The following DHTKD1 variants were observed in gnomAD, a reference collection of about 807,000 sequenced individuals.
DHTKD1 encodes the protein dehydrogenase E1 and transketolase domain containing 1.
Under a neutral mutation model 101.8 loss-of-function variants are expected in DHTKD1, and 78 were observed. The ratio of observed to expected loss-of-function variants is 0.77; its 90% CI spans 0.64 to 0.93. The LOEUF (loss-of-function observed/expected upper bound fraction) is 0.93, where lower values mean the gene tolerates loss of function less well. Among genes scored for constraint, DHTKD1 ranks in the 40% least tolerant of loss-of-function variants. The pLI is 0.00. For missense variants in DHTKD1, 1,223 were observed against 1,161.7 expected, an observed-to-expected ratio of 1.05 and a Z score of -0.77; for synonymous variants, 462 against 450.3, an observed-to-expected ratio of 1.03 and a Z score of -0.33.
chr10:12,076,911 C>A (rs1335857682), intron 1 of DHTKD1, among the ~76,000 whole-genome samples: 5 of 143,560 alleles, frequency 3.5e-5, no homozygotes, highest in African/African-American at 1.3e-4. Context: ...CTGCCTCCGC[C>A]TCCCAAAGTG....
chr10:12,100,606 C>G (rs545670225), intron 9 of DHTKD1, among the ~76,000 whole-genome samples: 1 of 152,106 alleles, frequency 6.6e-6, no homozygotes, highest in Non-Finnish European at 1.5e-5. Flanking sequence ...TACTTTTAAT[C>G]ACGTTTGCTA....
At chr10:12,069,237 C>T in intron 1 of DHTKD1, 50 bp downstream of exon 1, 1 of 1,464,190 alleles carries the variant, frequency 6.8e-7, no homozygotes, top group Non-Finnish European at 9.0e-7. Context: ...ACGCAGAAGC[C>T]TCCCCTGGCC....
At chr10:12,120,454 C>G in intron 16 of DHTKD1, 187 bp downstream of exon 16, 1 of 548,044 alleles carries the variant, frequency 1.8e-6, no homozygotes, top group Middle Eastern at 5.2e-4. Context: ...CTGCCTCAGC[C>G]TCCCAAGTAG....
Position 12,101,167 on chromosome 10 carries a change from A to G in DHTKD1, c.1882A>G (p.Lys628Glu), listed in dbSNP as rs765656134. 4 of 1,613,456 alleles carry G rather than the reference A, an allele frequency of 2.5e-6. No individual in the cohort carries two copies. The East Asian group carries it at 8.9e-5, about 36-fold the overall frequency. The change falls in exon 10 of 17, where the codon AAG (lysine) becomes GAG (glutamate). Residue 628 changes from lysine to glutamate, a missense_variant. Physicochemically the swap from Lys to Glu is moderately conservative, Grantham distance 56 (BLOSUM62 1). Transcript: ENST00000263035. Reference protein sequence around the residue: ...IPLNHMDPNQKGFLEVSNSPL... With the variant: ...IPLNHMDPNQEGFLEVSNSPL... ...CCTGAACCATATGGACCCAAATCAG[A>G]AGGGGTTTCTAGAGGTGAGATGTTT...
Position 12,121,219 on chromosome 10 carries a change from C to CAAAA in DHTKD1, c.*347_*350dup, listed in dbSNP as rs34911594. Reference sequence around the variant, plus strand: ...TGGGTGACAGAGCAAGACTGCGTTTCAAAAAAAAAAAAAAAAAAACCCATT... The same window carrying CAAAA: ...TGGGTGACAGAGCAAGACTGCGTTTCAAAAAAAAAAAAAAAAAAAAAAACCCATT... On this transcript the variant is annotated 3_prime_UTR_variant, in exon 17 of 17. Transcript: ENST00000263035. 24 of 119,436 alleles carry CAAAA rather than the reference C, an allele frequency of 2.0e-4. No homozygotes were observed. The highest frequency in any genetic ancestry group is 7.5e-4 in the South Asian group (3 of 3,986). 7.4% of individuals were successfully genotyped at this position (119,436 alleles called of 1,614,324 possible).
chr10:12,111,218 T>G (rs1390907328), intron 12 of DHTKD1, among the ~76,000 whole-genome samples: 3 of 152,180 alleles, frequency 2.0e-5, no homozygotes, highest in Non-Finnish European at 4.4e-5. Flanking sequence ...CAGGCTGTAG[T>G]GCAATGCTGC....
chr10:12,101,620 C>T (rs546576610), intron 10 of DHTKD1, among the ~76,000 whole-genome samples: 10 of 151,888 alleles, frequency 6.6e-5, no homozygotes, highest in African/African-American at 1.4e-4. Context: ...TCTTTTTTTT[C>T]GGAGACTTAA....
At chr10:12,100,287 G>GTTTTTTTTTTTTTCTGTTT (rs1833144057) in intron 9 of DHTKD1, 25 bp downstream of exon 9, 4 of 272,278 alleles carry the variant, frequency 1.5e-5, no homozygotes, top group Non-Finnish European at 2.4e-5. Context: ...TTTTTTTTCT[G>GTTTTTTTTTTTTTCTGTTT]TTTTTTTTTT....
Position 12,084,568 on chromosome 10 carries a change from C to G in DHTKD1, c.339C>G (p.Ala113=), listed in dbSNP as rs764537802. 3 of 1,612,418 alleles carry G rather than the reference C, an allele frequency of 1.9e-6. No homozygotes were observed. Among genetic ancestry groups the G allele is most frequent in the Non-Finnish European group, 2.5e-6 (3 of 1,178,582 alleles). The change falls in exon 3 of 17, where the codon GCC becomes GCG. Residue 113 remains alanine (A), a synonymous_variant. Transcript: ENST00000263035. The part of the protein sequence containing the change: ...AGLLNMGKEE[A]SLEEVLVYLN... ...TATTGAACATGGGGAAGGAAGAGGC[C>G]TCACTTGAGGAAGTGTTAGTCTATC...
At chr10:12,082,219 T>C (rs1477788515) in intron 2 of DHTKD1, among the ~76,000 whole-genome samples, 1 of 152,228 alleles carries the variant, frequency 6.6e-6, no homozygotes, top group Non-Finnish European at 1.5e-5. Flanking sequence ...AAAGTAGTTA[T>C]TGTCCTCTTT....
At chr10:12,084,381 T>C (rs908907779) in intron 2 of DHTKD1, among the ~76,000 whole-genome samples, 159 bp from the exon 3 acceptor site, 8 of 152,056 alleles carry the variant, frequency 5.3e-5, no homozygotes, top group African/African-American at 1.9e-4. Flanking sequence ...GTAAAAATCA[T>C]TACTGCATAT....
At chr10:12,115,349 G>A (rs1016205309) in intron 13 of DHTKD1, among the ~76,000 whole-genome samples, 2 of 152,144 alleles carry the variant, frequency 1.3e-5, no homozygotes, top group African/African-American at 2.4e-5. Context: ...GGGCTGACTC[G>A]GCCTCCCAAA....
Position 12,087,588 on chromosome 10 carries a change from C to T in DHTKD1, c.576C>T (p.Gly192=), listed in dbSNP as rs543081107. The change falls in exon 4 of 17, where the codon GGC becomes GGT. Residue 192 remains glycine (G), a synonymous_variant. Transcript: ENST00000263035. This position sits in a 1 kb window ranked among gnomAD's most constrained non-coding sequence, Gnocchi z 5.2. ...TKFSTVKRYG[G]EGAESMMGFF... ...TCTCGACAGTGAAGCGATATGGAGG[C>T]GAAGGGGCTGAAAGCATGATGGGCT... 1.7e-5 allele frequency: 28 copies of T among 1,613,126 alleles called. No homozygotes were observed. The highest frequency in any genetic ancestry group is 6.7e-5 in the East Asian group (3 of 44,844).
chr10:12,120,676 T>A, intron 16 of DHTKD1, 111 bp from the exon 17 acceptor site: 1 of 897,676 alleles, frequency 1.1e-6, no homozygotes, highest in Non-Finnish European at 1.8e-6. Context: ...TTGAAAGAGG[T>A]GATTTATGGT....
At chr10:12,080,091 TA>T (rs1251547594) in intron 1 of DHTKD1, among the ~76,000 whole-genome samples, 3 of 152,002 alleles carry the variant, frequency 2.0e-5, no homozygotes. Context: ...CCATCCTGGC[TA>T]ACATGGTGAA....
chr10:12,091,924 C>T (rs1398361051), intron 6 of DHTKD1, among the ~76,000 whole-genome samples: 1 of 151,912 alleles, frequency 6.6e-6, no homozygotes, highest in African/African-American at 2.4e-5. Flanking sequence ...CTTGCCTCAG[C>T]CTCCTGATTA....
chr10:12,109,119 C>T lies in DHTKD1; in HGVS notation c.2154+1104C>T, dbSNP rs540340684. Among the ~76,000 whole-genome samples the T allele has an allele frequency of 5.9e-5, 9 of 151,994 alleles. No individual in the cohort carries two copies. The East Asian group carries it at 1.7e-3, about 29-fold the overall frequency. ...GTGAGATCACGCCACTGCACTCCAG[C>T]CTGGACAACAAAGACTCTGTCTCAA... On this transcript the variant is annotated intron_variant, in intron 12 of 16. Coordinates refer to ENST00000263035, the MANE Select transcript of DHTKD1 (RefSeq NM_018706.7).
intron 16 of DHTKD1, 133 bp from the exon 17 acceptor site, chr10:12,120,654 G>T: frequency 1.3e-6 from 1 of 789,420 alleles, no homozygotes; most frequent in Non-Finnish European, 2.1e-6. Context: ...TCTCTTCTGC[G>T]TAACTCATTA....
chr10:12,082,381 C>T (rs1832832832), intron 2 of DHTKD1, among the ~76,000 whole-genome samples: 1 of 152,106 alleles, frequency 6.6e-6, no homozygotes, highest in Non-Finnish European at 1.5e-5. Context: ...AAAAGTTGGG[C>T]CTGCATCATC....
Sources: gnomAD v4.1 joint callset for allele counts (sites outside exome capture counted in the v4.1 genomes callset) on GRCh38, gnomAD v4.1.1 for gene constraint, Gnocchi (gnomAD v3.1) non-coding constraint, MANE v1.5 for transcripts, NCBI Gene and HGNC (gene_info 2026-07-23, HGNC 2026-07-21) for gene names.